OR2L13: variants seen among roughly 807,000 people sequenced by gnomAD.
OR2L13 encodes olfactory receptor 2L13.
OR2L13 carries 14 observed loss-of-function variants against 15.3 expected under a neutral mutation model. The observed-to-expected ratio is 0.91, with a 90% confidence interval of 0.60 to 1.43. The LOEUF is 1.43. Ranked by LOEUF, OR2L13 falls within the 40% of genes most tolerant of loss-of-function variation. The probability of loss-of-function intolerance (pLI) is 0.00; values close to 1 mark genes in which losing one functional copy is unlikely to be tolerated. For missense variants in OR2L13, 367 were observed against 387.9 expected, an observed-to-expected ratio of 0.95 and a Z score of 0.45; for synonymous variants, 152 against 142.9, an observed-to-expected ratio of 1.06 and a Z score of -0.45.
the OR2L13 span, among the ~76,000 whole-genome samples, chr1:247,941,497 G>A: frequency 6.6e-6 from 1 of 152,130 alleles, no homozygotes; most frequent in African/African-American, 2.4e-5. Context: ...GAATATGTAA[G>A]AAGTTTGTTA....
chr1:248,073,758 A>G, the OR2L13 span, among the ~76,000 whole-genome samples: 1 of 151,930 alleles, frequency 6.6e-6, no homozygotes, highest in African/African-American at 2.4e-5. Context: ...GGTTAAAAAA[A>G]TAAATATTAT....
the OR2L13 span, among the ~76,000 whole-genome samples, chr1:247,995,189 A>G: frequency 6.6e-6 from 1 of 152,100 alleles, no homozygotes; most frequent in South Asian, 2.1e-4. Flanking sequence ...CCCTTTTCTC[A>G]GTGTAAACAT....
chr1:248,039,220 GT>G, the OR2L13 span: 1 of 1,591,652 alleles, frequency 6.3e-7, no homozygotes, highest in African/African-American at 1.3e-5. Context: ...TACGTTCTGT[GT>G]TAGAGTCAAA....
the OR2L13 span, chr1:248,063,308 C>T: frequency 6.6e-6 from 1 of 152,340 alleles, no homozygotes; most frequent in African/African-American, 2.4e-5. Flanking sequence ...TCCATGACTA[C>T]CGTTAACGGT....
the OR2L13 span, chr1:247,965,740 C>A: frequency 2.6e-6 from 4 of 1,561,962 alleles, no homozygotes; most frequent in South Asian, 4.9e-5. Flanking sequence ...GTCTTATGAT[C>A]GCTATGTAGC....
chr1:247,990,713 T>A, the OR2L13 span: 1 of 1,553,322 alleles, frequency 6.4e-7, no homozygotes, highest in Non-Finnish European at 8.9e-7. Context: ...GGATCTTGGA[T>A]GATAGGCTCC....
At chr1:248,071,538 C>A in the OR2L13 span, among the ~76,000 whole-genome samples, 2 of 151,972 alleles carry the variant, frequency 1.3e-5, no homozygotes, top group African/African-American at 4.8e-5. Context: ...TGGGCAAAAA[C>A]TGGAAGCATT....
chr1:248,016,091 A>G, the OR2L13 span, among the ~76,000 whole-genome samples: 4 of 152,184 alleles, frequency 2.6e-5, no homozygotes, highest in African/African-American at 4.8e-5. Context: ...TTTGTCTTCT[A>G]TGAATATGTG....
chr1:248,055,157 G>A, the OR2L13 span, among the ~76,000 whole-genome samples: 10 of 152,070 alleles, frequency 6.6e-5, no homozygotes, highest in African/African-American at 9.7e-5. Flanking sequence ...AAGGGAAGTC[G>A]AATTTTTTTG....
chr1:247,957,295 A>G, the OR2L13 span, among the ~76,000 whole-genome samples: 37 of 152,302 alleles, frequency 2.4e-4, no homozygotes, highest in South Asian at 2.1e-4. Flanking sequence ...GATGAAGCCC[A>G]CTTGATCATG....
the OR2L13 span, among the ~76,000 whole-genome samples, chr1:247,984,044 A>G: frequency 1.3e-5 from 2 of 152,042 alleles, no homozygotes; most frequent in African/African-American, 4.8e-5. Flanking sequence ...AATTGAGGCA[A>G]TCTCCTAGTG....
the OR2L13 span, among the ~76,000 whole-genome samples, chr1:248,074,866 C>T: frequency 1.3e-3 from 192 of 151,458 alleles, no homozygotes; most frequent in African/African-American, 3.5e-3. Context: ...AAGACATAGA[C>T]GAAAATCTTC....
the OR2L13 span, among the ~76,000 whole-genome samples, chr1:248,009,006 T>A: frequency 7.9e-5 from 12 of 152,004 alleles, no homozygotes; most frequent in Non-Finnish European, 1.6e-4. Context: ...AAAGACACAA[T>A]GTATCAGAAT....
the OR2L13 span, among the ~76,000 whole-genome samples, chr1:248,072,463 T>C: frequency 1.3e-5 from 2 of 152,114 alleles, no homozygotes; most frequent in African/African-American, 4.8e-5. Flanking sequence ...TTACACCTTA[T>C]ACAAAAATTA....
chr1:248,040,557 C>T, the OR2L13 span: 1 of 152,200 alleles, frequency 6.6e-6, no homozygotes, highest in African/African-American at 2.4e-5. Context: ...TGATGAAGAA[C>T]TTTATGACAA....
the OR2L13 span, among the ~76,000 whole-genome samples, chr1:247,984,125 C>G: frequency 5.9e-5 from 9 of 152,012 alleles, no homozygotes; most frequent in African/African-American, 2.2e-4. Flanking sequence ...AACACAAAGT[C>G]ATATAAACTT....
chr1:247,946,643 A>C, the OR2L13 span, among the ~76,000 whole-genome samples: 1 of 152,102 alleles, frequency 6.6e-6, no homozygotes, highest in Non-Finnish European at 1.5e-5. Context: ...TTTAGACAAT[A>C]TGTTCATCTG....
At chr1:247,982,022 A>T in the OR2L13 span, among the ~76,000 whole-genome samples, 8,467 of 152,070 alleles carry the variant, frequency 0.056, 352 homozygotes, top group East Asian at 0.18. Flanking sequence ...TCACCGTGTT[A>T]GCCAGGATGG....
the OR2L13 span, among the ~76,000 whole-genome samples, chr1:247,999,462 C>T: frequency 1.3e-5 from 2 of 152,272 alleles, no homozygotes; most frequent in East Asian, 3.9e-4. Context: ...TTCTTTACTC[C>T]TTTACACCTG....
Sources: gnomAD v4.1 joint callset for allele counts (sites outside exome capture counted in the v4.1 genomes callset) on GRCh38, gnomAD v4.1.1 for gene constraint, MANE v1.5 for transcripts, NCBI Gene and HGNC (gene_info 2026-07-23, HGNC 2026-07-21) for gene names.